The following ZBTB49 variants were observed in gnomAD, a reference collection of about 807,000 sequenced individuals.
ZBTB49 encodes the protein zinc finger and BTB domain-containing protein 49.
In ZBTB49, 43 loss-of-function variants were observed where a neutral mutation model predicts 57.5. The ratio of observed to expected loss-of-function variants is 0.75; its 90% CI spans 0.59 to 0.97. ZBTB49 has a LOEUF of 0.97. Among genes scored for constraint, ZBTB49 ranks in the 50% least tolerant of loss-of-function variants. The pLI is 0.00. For missense variants in ZBTB49, 938 were observed against 947.7 expected, an observed-to-expected ratio of 0.99 and a Z score of 0.13; for synonymous variants, 369 against 362.1, an observed-to-expected ratio of 1.02 and a Z score of -0.22.
intron 4 of ZBTB49, among the ~76,000 whole-genome samples, chr4:4,308,741 T>C (rs1173642576): frequency 6.6e-6 from 1 of 152,190 alleles, no homozygotes; most frequent in Non-Finnish European, 1.5e-5. Flanking sequence ...CAGGAGCTTA[T>C]TGTTTAGAGG....
chr4:4,304,312 G>C (rs1720646374), intron 3 of ZBTB49, among the ~76,000 whole-genome samples: 1 of 150,368 alleles, frequency 6.7e-6, no homozygotes, highest in Non-Finnish European at 1.5e-5. Context: ...TGCAACCTCT[G>C]CCTCCTGGGT....
At chr4:4,303,762 G>GTGTGTGTGTGTGTT (rs1720615677) in intron 3 of ZBTB49, among the ~76,000 whole-genome samples, 1 of 33,262 alleles carries the variant, frequency 3.0e-5, no homozygotes, top group African/African-American at 9.5e-5. Flanking sequence ...CTCTCTCTCT[G>GTGTGTGTGTGTGTT]TGTGTGTGTC....
intron 1 of ZBTB49, among the ~76,000 whole-genome samples, chr4:4,292,196 G>T (rs113605300): frequency 0.014 from 2,185 of 152,194 alleles, 53 homozygotes; most frequent in African/African-American, 0.05. Flanking sequence ...CAGAAGAATC[G>T]CTTGAACCCA....
intron 1 of ZBTB49, among the ~76,000 whole-genome samples, chr4:4,294,701 C>A (rs78335368): frequency 1.4e-4 from 21 of 152,188 alleles, no homozygotes; most frequent in African/African-American, 4.8e-4. Context: ...TAATAACTGC[C>A]TAGCATCATA....
chr4:4,321,441 C>G lies in ZBTB49; in HGVS notation c.*125C>G. Reference sequence around the variant, plus strand: ...TAGCCAGAGAATAGGTAGCTTCCCTCCTGATGATGGCTCATAATCTGAAGC... The same window carrying G: ...TAGCCAGAGAATAGGTAGCTTCCCTGCTGATGATGGCTCATAATCTGAAGC... On this transcript the variant is annotated 3_prime_UTR_variant, in exon 8 of 8. Transcript: ENST00000337872. 1 of 1,008,266 alleles carries G rather than the reference C, an allele frequency of 9.9e-7. No individual in the cohort carries two copies. Among genetic ancestry groups the G allele is most frequent in the Non-Finnish European group, 1.4e-6 (1 of 689,706 alleles). 62.5% of individuals were successfully genotyped at this position (1,008,266 alleles called of 1,614,324 possible).
intron 7 of ZBTB49, among the ~76,000 whole-genome samples, chr4:4,317,465 C>G (rs894485): frequency 0.066 from 10,051 of 152,048 alleles, 858 homozygotes; most frequent in East Asian, 0.32. Flanking sequence ...AGAAGGAAGC[C>G]TTATACCCAT....
At position 4,300,910 on chromosome 4, in the gene ZBTB49, C is replaced by T. The variant is rs114923139; in HGVS notation, c.152+813C>T. Among the ~76,000 whole-genome samples, 815 of 151,796 alleles carry T rather than the reference C, an allele frequency of 5.4e-3. 5 individuals are homozygous for T. Among genetic ancestry groups the T allele is most frequent in the African/African-American group, 0.018 (746 of 41,372 alleles). Reference sequence around the variant, plus strand: ...TACTTTTTGTTTCCAAAATGCATACCGTTTTACTGCTCTAGTAGACAACGT... The same window carrying T: ...TACTTTTTGTTTCCAAAATGCATACTGTTTTACTGCTCTAGTAGACAACGT... On this transcript the variant is annotated intron_variant, in intron 2 of 7. Coordinates refer to ENST00000337872, the MANE Select transcript of ZBTB49 (RefSeq NM_145291.4).
intron 3 of ZBTB49, among the ~76,000 whole-genome samples, chr4:4,303,810 A>T (rs114551881): frequency 6.8e-6 from 1 of 146,866 alleles, no homozygotes; most frequent in East Asian, 1.9e-4. Context: ...ACACACACAC[A>T]TTATGTTATA....
chr4:4,295,649 G>A (rs562608482), intron 1 of ZBTB49, among the ~76,000 whole-genome samples: 12 of 152,282 alleles, frequency 7.9e-5, no homozygotes, highest in African/African-American at 2.6e-4. Flanking sequence ...AACAGTGTTC[G>A]CCGCCTACCA....
chr4:4,317,310 G>A (rs1480857279), intron 7 of ZBTB49, among the ~76,000 whole-genome samples: 2 of 152,288 alleles, frequency 1.3e-5, no homozygotes, highest in East Asian at 3.9e-4. Context: ...TTATGTGACA[G>A]GGTCAGTTTT....
chr4:4,312,104 G>A (rs1332561738), intron 4 of ZBTB49, among the ~76,000 whole-genome samples: 1 of 151,970 alleles, frequency 6.6e-6, no homozygotes, highest in Non-Finnish European at 1.5e-5. Flanking sequence ...CACTTATCTT[G>A]TGCATGACAC....
chr4:4,301,600 T>C (rs1322876599), intron 2 of ZBTB49, among the ~76,000 whole-genome samples: 1 of 152,194 alleles, frequency 6.6e-6, no homozygotes, highest in African/African-American at 2.4e-5. Context: ...GTATTTAATA[T>C]ATATGGATAA....
In ZBTB49 at chr4:4,313,067, A is replaced by G. The variant is rs1420846461; in HGVS notation, c.1329A>G (p.Arg443=). The change falls in exon 5 of 8, where the codon CGA becomes CGG. Residue 443 remains arginine (R), a synonymous_variant. Transcript: ENST00000337872. Reference sequence around the variant, plus strand: ...CAGGTAACTTGCAGACTCACTTACGACGGCATTCTGGTGAAAAACCATACA... The same window carrying G: ...CAGGTAACTTGCAGACTCACTTACGGCGGCATTCTGGTGAAAAACCATACA... ...SQAGNLQTHL[R]RHSGEKPYIC... The G allele has an allele frequency of 1.2e-6, 2 of 1,614,110 alleles. No homozygotes were observed. The highest frequency in any genetic ancestry group is 1.3e-5 in the African/African-American group (1 of 75,042).
chr4:4,310,376 T>C (rs1486077086), intron 4 of ZBTB49, among the ~76,000 whole-genome samples: 4 of 152,214 alleles, frequency 2.6e-5, no homozygotes, highest in Non-Finnish European at 5.9e-5. Context: ...TGTTGACTTC[T>C]CTGTAAAACA....
At chr4:4,295,912 A>G (rs1001368327) in intron 1 of ZBTB49, among the ~76,000 whole-genome samples, 1 of 152,222 alleles carries the variant, frequency 6.6e-6, no homozygotes, top group Non-Finnish European at 1.5e-5. Context: ...GGGGCATGCC[A>G]TTGAAGAAGT....
chr4:4,299,160 C>G (rs182181501), intron 1 of ZBTB49, among the ~76,000 whole-genome samples: 405 of 152,298 alleles, frequency 2.7e-3, no homozygotes, highest in African/African-American at 9.1e-3. Flanking sequence ...TCTCCTGCCA[C>G]TCACTCAGCC....
At chr4:4,310,000 T>G (rs1023842188) in intron 4 of ZBTB49, among the ~76,000 whole-genome samples, 1 of 152,228 alleles carries the variant, frequency 6.6e-6, no homozygotes, top group African/African-American at 2.4e-5. Context: ...TATCTCTAAA[T>G]GATTACGATT....
chr4:4,309,568 ACT>A (rs1235339174), intron 4 of ZBTB49, among the ~76,000 whole-genome samples: 9 of 152,360 alleles, frequency 5.9e-5, no homozygotes, highest in African/African-American at 2.2e-4. Context: ...AAACAGAAAC[ACT>A]GGGCAGCTGG....
intron 7 of ZBTB49, among the ~76,000 whole-genome samples, chr4:4,320,042 C>T (rs906723246): frequency 2.0e-5 from 3 of 152,240 alleles, no homozygotes; most frequent in Non-Finnish European, 4.4e-5. Flanking sequence ...CCAGCCTGGG[C>T]GATTTTTTTC....
Sources: allele counts gnomAD v4.1 joint callset (sites outside exome capture counted in the v4.1 genomes callset), GRCh38; gene constraint gnomAD v4.1.1; transcripts MANE v1.5; gene names NCBI Gene and HGNC (gene_info 2026-07-23, HGNC 2026-07-21).